Variants in PTPRZ1 observed in about 807,000 individuals in gnomAD.
The protein encoded by PTPRZ1 is receptor-type tyrosine-protein phosphatase zeta.
A neutral mutation model predicts 214.1 loss-of-function variants in PTPRZ1; 82 were observed. The ratio of observed to expected loss-of-function variants is 0.38; its 90% CI spans 0.32 to 0.46. The LOEUF is 0.46. PTPRZ1 is among the 20% of genes least tolerant of loss of function. The pLI, the probability that PTPRZ1 is intolerant of heterozygous loss-of-function variation, is 1.00. For missense variants in PTPRZ1, 2,603 were observed against 2,748.7 expected, an observed-to-expected ratio of 0.95 and a Z score of 1.19; for synonymous variants, 945 against 987.9, an observed-to-expected ratio of 0.96 and a Z score of 0.81.
At chr7:121,983,538 A>G in intron 6 of PTPRZ1, 127 bp from the exon 7 acceptor site, 1 of 934,274 alleles carries the variant, frequency 1.1e-6, no homozygotes. Context: ...AAATATATCT[A>G]AAATGTTTCA....
intron 23 of PTPRZ1, among the ~76,000 whole-genome samples, chr7:122,047,751 T>G (rs942549928): frequency 1.3e-5 from 2 of 151,748 alleles, no homozygotes; most frequent in African/African-American, 2.4e-5. Flanking sequence ...CTGGCTTAAC[T>G]GATCCTCCTA....
At chr7:122,048,150 A>C (rs1792057817) in intron 23 of PTPRZ1, among the ~76,000 whole-genome samples, 1 of 152,188 alleles carries the variant, frequency 6.6e-6, no homozygotes, top group African/African-American at 2.4e-5. Context: ...ATACATATTT[A>C]AGAGGAAATT....
chr7:121,877,454 T>C (rs994887200), intron 1 of PTPRZ1, among the ~76,000 whole-genome samples: 2 of 152,194 alleles, frequency 1.3e-5, no homozygotes, highest in Admixed American at 6.5e-5. Context: ...TTTTTTATCC[T>C]TTTTTGAAAA....
intron 1 of PTPRZ1, among the ~76,000 whole-genome samples, chr7:121,897,671 C>T (rs955307608): frequency 2.0e-5 from 3 of 152,126 alleles, no homozygotes; most frequent in Non-Finnish European, 2.9e-5. Context: ...AAACCTGACC[C>T]GTGGTCTTCC....
chr7:121,899,157 A>T (rs895731269), intron 1 of PTPRZ1, among the ~76,000 whole-genome samples: 33 of 152,128 alleles, frequency 2.2e-4, no homozygotes, highest in Middle Eastern at 3.4e-3. Context: ...ATTTTTTTTT[A>T]AAACTAGTTG....
At position 122,039,488 on chromosome 7, in the gene PTPRZ1, G is replaced by T; in HGVS notation, c.5537G>T (p.Ser1846Ile). ...GATCAGTACTGGCCTGCCGATGGGA[G>T]TGAGGAGTACGGGAACTTTCTGGTC... is the stretch of plus-strand genomic sequence containing the variant. ...KCDQYWPADG[S>I]EEYGNFLVTQ... The change falls in exon 20 of 30, where the codon AGT becomes ATT. Residue 1846 changes from serine to isoleucine, a missense_variant. Transcript: ENST00000393386. 1 of 1,614,062 alleles carries T rather than the reference G, an allele frequency of 6.2e-7. No individual in the cohort carries two copies. The highest frequency in any genetic ancestry group is 8.5e-7 in the Non-Finnish European group (1 of 1,179,968).
At chr7:122,028,810 T>C (rs928965394) in intron 14 of PTPRZ1, among the ~76,000 whole-genome samples, 167 bp downstream of exon 14, 12 of 152,098 alleles carry the variant, frequency 7.9e-5, no homozygotes, top group African/African-American at 2.9e-4. Context: ...GTACTCAGGT[T>C]TATATTCTGT....
chr7:121,931,662 T>C (rs1158164496), intron 2 of PTPRZ1, among the ~76,000 whole-genome samples: 2 of 152,098 alleles, frequency 1.3e-5, no homozygotes, highest in African/African-American at 4.8e-5. Flanking sequence ...GCAGATATGA[T>C]AGCAACAGCA....
rs374207866 is a variant in PTPRZ1 at position 122,040,976 on chromosome 7, G to A, written c.5798G>A (p.Cys1933Tyr). 2 of 1,544,016 alleles carry A rather than the reference G, an allele frequency of 1.3e-6. No individual in the cohort carries two copies. The highest frequency in any genetic ancestry group is 1.8e-6 in the Non-Finnish European group (2 of 1,135,856). ...GCAGTGGGGCCTGTTGTCGTCCACT[G>A]CAGGTGAGTCTCAGAGATGTGCCTC... ...RHAVGPVVVH[C>Y]SAGVGRTGTY... Residue 1933 changes from cysteine to tyrosine, a missense_variant, in exon 21 of 30, where the codon TGC (cysteine) becomes TAC (tyrosine). Transcript: ENST00000393386.
In PTPRZ1 at chr7:122,011,642, G is replaced by A; in HGVS notation, c.2596G>A (p.Asp866Asn). 1 of 1,614,064 alleles carries A rather than the reference G, an allele frequency of 6.2e-7. No homozygotes were observed. Among genetic ancestry groups the A allele is most frequent in the Non-Finnish European group, 8.5e-7 (1 of 1,180,006 alleles). ...TGCTTCTCTGCCAGTGGCTGGGGGT[G>A]ATTTGCTATTAGAGCCCAGCCTTGC... ...LHASLPVAGGDLLLEPSLAQY... is the reference protein window; with the variant it reads ...LHASLPVAGGNLLLEPSLAQY... The change falls in exon 12 of 30, where the codon GAT (aspartate) becomes AAT (asparagine). Residue 866 changes from aspartate to asparagine, a missense_variant. By Grantham distance (23) the Asp-to-Asn change is conservative. Transcript: ENST00000393386.
chr7:121,933,076 G>A (rs1461352175), intron 2 of PTPRZ1, among the ~76,000 whole-genome samples: 1 of 149,796 alleles, frequency 6.7e-6, no homozygotes. Context: ...TTCATTTAAG[G>A]GTTTCAGAAA....
At chr7:121,910,779 G>A (rs975228552) in intron 1 of PTPRZ1, among the ~76,000 whole-genome samples, 14 of 152,040 alleles carry the variant, frequency 9.2e-5, no homozygotes, top group Non-Finnish European at 1.5e-5. Flanking sequence ...GAATGAATTT[G>A]AAATAGGCTT....
intron 11 of PTPRZ1, among the ~76,000 whole-genome samples, chr7:122,007,678 C>A (rs1320558469): frequency 6.6e-6 from 1 of 151,990 alleles, no homozygotes; most frequent in African/African-American, 2.4e-5. Flanking sequence ...TAGATCCTCT[C>A]CAAACAGAAA....
rs1459876112 is a variant in PTPRZ1 at position 122,040,975 on chromosome 7, T to G, written c.5797T>G (p.Cys1933Gly). Reference sequence around the variant, plus strand: ...TGCAGTGGGGCCTGTTGTCGTCCACTGCAGGTGAGTCTCAGAGATGTGCCT... The same window carrying G: ...TGCAGTGGGGCCTGTTGTCGTCCACGGCAGGTGAGTCTCAGAGATGTGCCT... ...RHAVGPVVVH[C>G]SAGVGRTGTY... Residue 1933 changes from cysteine (C) to glycine (G), a missense_variant, in exon 21 of 30, where the codon TGC becomes GGC. Cys to Gly is a radical substitution (Grantham distance 159, BLOSUM62 -3). This residue lies in a region of PTPRZ1 where 1,913 missense variants were observed against 1,914.3 expected (regional missense o/e 1.00). Coordinates refer to ENST00000393386, the MANE Select transcript of PTPRZ1 (RefSeq NM_002851.3). The G allele has an allele frequency of 6.5e-7, 1 of 1,543,914 alleles. No individual in the cohort carries two copies. The highest frequency in any genetic ancestry group is 8.8e-7 in the Non-Finnish European group (1 of 1,135,758).
chr7:121,970,511 A>G (rs966812208), intron 3 of PTPRZ1, among the ~76,000 whole-genome samples: 2 of 151,880 alleles, frequency 1.3e-5, no homozygotes, highest in Non-Finnish European at 2.9e-5. Flanking sequence ...GTGTGAGATG[A>G]TATCTCATTG....
intron 1 of PTPRZ1, among the ~76,000 whole-genome samples, chr7:121,905,287 A>G (rs1795082049): frequency 1.3e-5 from 2 of 152,088 alleles, no homozygotes; most frequent in South Asian, 2.1e-4. Context: ...AGGTCTTACT[A>G]AAAGAACAGA....
intron 2 of PTPRZ1, among the ~76,000 whole-genome samples, chr7:121,963,703 T>C (rs946763167): frequency 3.3e-5 from 5 of 152,180 alleles, no homozygotes; most frequent in African/African-American, 1.2e-4. Context: ...AAAGGCCCTA[T>C]TGAAGATAGC....
At position 122,039,465 on chromosome 7, in the gene PTPRZ1, T is replaced by C. The variant is rs757033279; in HGVS notation, c.5514T>C (p.Asp1838=). 2 of 1,610,668 alleles carry C rather than the reference T, an allele frequency of 1.2e-6. No individual in the cohort carries two copies. Among genetic ancestry groups the C allele is most frequent in the Non-Finnish European group, 1.7e-6 (2 of 1,179,072 alleles). Residue 1838 remains aspartate, a synonymous_variant, in exon 20 of 30, where the codon GAT becomes GAC. Coordinates refer to ENST00000393386, the MANE Select transcript of PTPRZ1 (RefSeq NM_002851.3). ...NLVEKGRRKC[D]QYWPADGSEE... is the part of the protein sequence containing the mutation. ...ATTTTCTTTTGCAGAGAAAATGTGA[T>C]CAGTACTGGCCTGCCGATGGGAGTG...
chr7:121,991,755 C>T (rs755751452), intron 8 of PTPRZ1, among the ~76,000 whole-genome samples: 2 of 152,202 alleles, frequency 1.3e-5, no homozygotes, highest in Non-Finnish European at 2.9e-5. Flanking sequence ...ATTAGAAAGA[C>T]TTCTTTTGGC....
Sources: gnomAD v4.1 joint callset for allele counts (sites outside exome capture counted in the v4.1 genomes callset) on GRCh38, gnomAD v4.1.1 for gene constraint, gnomAD v4.1.1 regional missense constraint, MANE v1.5 for transcripts, NCBI Gene and HGNC (gene_info 2026-07-23, HGNC 2026-07-21) for gene names.